PPFIA1: variants seen among roughly 807,000 people sequenced by gnomAD.
PPFIA1 encodes the protein liprin-alpha-1.
A neutral mutation model predicts 149.9 loss-of-function variants in PPFIA1; 25 were observed. The ratio of observed to expected loss-of-function variants is 0.17; its 90% CI spans 0.12 to 0.23. PPFIA1 has a LOEUF of 0.23. PPFIA1 is among the 10% of genes least tolerant of loss of function. The pLI is 1.00. For synonymous variants in PPFIA1, 549 were observed against 552.8 expected (o/e 0.99, Z 0.10); for missense variants, 1,362 against 1,506.5 (o/e 0.90, Z 1.59).
In PPFIA1 at chr11:70,335,596, A is replaced by G. The variant is rs1591260273; in HGVS notation, c.1330A>G (p.Asn444Asp). ...RQREKMNEEH[N>D]KRLSDTVDKL... ...AAGAGAAAAAATGAACGAAGAACATAATAAACGTTTATCAGACACTGTTGA... is the reference window on the plus strand; with the variant it reads ...AAGAGAAAAAATGAACGAAGAACATGATAAACGTTTATCAGACACTGTTGA... The change falls in exon 11 of 28, where the codon AAT becomes GAT. Residue 444 changes from asparagine to aspartate, a missense_variant. Physicochemically the swap from Asn to Asp is conservative, Grantham distance 23. Around this residue, in one of 7 missense-constraint regions of PPFIA1, gnomAD observed 733 missense variants for 744.1 expected, o/e 0.99. Coordinates refer to ENST00000253925, the MANE Select transcript of PPFIA1 (RefSeq NM_003626.5). The G allele has an allele frequency of 6.2e-7, 1 of 1,614,014 alleles. No individual in the cohort carries two copies. The highest frequency in any genetic ancestry group is 8.5e-7 in the Non-Finnish European group (1 of 1,179,946).
At chr11:70,271,922 G>A (rs754007239) in intron 1 of PPFIA1, 31 of 402,440 alleles carry the variant, frequency 7.7e-5, no homozygotes, top group Admixed American at 1.3e-4. Context: ...GCCCTTTTTT[G>A]TGAGGGTAGT....
At chr11:70,380,584 A>G (rs1440677919) in intron 26 of PPFIA1, among the ~76,000 whole-genome samples, 1 of 151,652 alleles carries the variant, frequency 6.6e-6, no homozygotes, top group Admixed American at 6.6e-5. Context: ...CAAAAGAAAA[A>G]ATTTGCCAGG....
At position 70,326,292 on chromosome 11, in the gene PPFIA1, A is replaced by G. The variant is rs142170424; in HGVS notation, c.637A>G (p.Lys213Glu). ...GATTCTTAAAGAACAGAATAATCAG[A>G]AAAAAACTCTAACAGATGGAGTGCT... Reference protein sequence around the residue: ...LMILKEQNNQKKTLTDGVLDI... With the variant: ...LMILKEQNNQEKTLTDGVLDI... The change falls in exon 6 of 28, where the codon AAA becomes GAA. Residue 213 changes from lysine to glutamate, a missense_variant. Physicochemically the swap from Lys to Glu is moderately conservative, Grantham distance 56. Transcript: ENST00000253925. 59 of 1,607,248 alleles carry G rather than the reference A, an allele frequency of 3.7e-5. No individual in the cohort carries two copies. Among genetic ancestry groups the G allele is most frequent in the Non-Finnish European group, 4.8e-5 (56 of 1,175,892 alleles).
At chr11:70,284,204 C>T (rs992597575) in intron 2 of PPFIA1, 2 of 397,380 alleles carry the variant, frequency 5.0e-6, no homozygotes, top group African/African-American at 4.3e-5. Flanking sequence ...AATGACTGCC[C>T]CTTCAGATGG....
chr11:70,324,366 T>G (rs761232658), intron 2 of PPFIA1, 36 bp from the exon 3 acceptor site: 28 of 1,510,848 alleles, frequency 1.9e-5, no homozygotes, highest in Non-Finnish European at 2.5e-5. Context: ...TAGGGGGTCT[T>G]TCTTATTTAT....
chr11:70,301,536 T>C (rs556685005), intron 2 of PPFIA1, among the ~76,000 whole-genome samples: 5 of 152,336 alleles, frequency 3.3e-5, no homozygotes, highest in African/African-American at 1.2e-4. Context: ...TGATAAAATA[T>C]ATGAAAGTAT....
chr11:70,354,219 AAAG>A, intron 16 of PPFIA1, 79 bp from the exon 17 acceptor site: 1 of 1,416,212 alleles, frequency 7.1e-7, no homozygotes, highest in East Asian at 2.3e-5. Flanking sequence ...ATCGATTTTC[AAAG>A]AAGTTTATGG....
chr11:70,324,184 G>A (rs1175162331), intron 2 of PPFIA1, among the ~76,000 whole-genome samples: 1 of 152,222 alleles, frequency 6.6e-6, no homozygotes, highest in African/African-American at 2.4e-5. Flanking sequence ...TTGTCCCAGG[G>A]TGCAGGGATA....
At position 70,362,079 on chromosome 11, in the gene PPFIA1, A is replaced by T. The variant is rs980180822; in HGVS notation, c.2583-16A>T. 6.2e-7 allele frequency: 1 copy of T among 1,612,274 alleles called. No individual in the cohort carries two copies. The highest frequency in any genetic ancestry group is 2.2e-5 in the East Asian group (1 of 44,868). On this transcript the variant is annotated splice_polypyrimidine_tract_variant and intron_variant, in intron 19 of 27. Transcript: ENST00000253925. ...CCTGGCTGATTCTTTAATTTTCAAT[A>T]TCTTCTCCTTTATAGGCATGAATTG...
At chr11:70,333,442 C>A in intron 9 of PPFIA1, 28 bp from the exon 10 acceptor site, 1 of 1,564,994 alleles carries the variant, frequency 6.4e-7, no homozygotes, top group Non-Finnish European at 8.8e-7. Context: ...GTAAGGATGA[C>A]GTCAGCGTAC....
intron 2 of PPFIA1, among the ~76,000 whole-genome samples, chr11:70,314,381 C>G (rs78018890): frequency 0.011 from 1,712 of 152,216 alleles, 35 homozygotes; most frequent in African/African-American, 0.039. Context: ...AGTTTCTGAA[C>G]AAGTTACGTG....
intron 26 of PPFIA1, 68 bp downstream of exon 26, chr11:70,378,263 A>C: frequency 6.4e-7 from 1 of 1,551,224 alleles, no homozygotes; most frequent in Middle Eastern, 1.7e-4. Flanking sequence ...TGGAACATTA[A>C]TAATGATCTA....
intron 2 of PPFIA1, among the ~76,000 whole-genome samples, chr11:70,296,915 CTGTG>C (rs969414431): frequency 2.6e-5 from 4 of 152,194 alleles, no homozygotes; most frequent in African/African-American, 9.7e-5. Flanking sequence ...CCGCTGCTCA[CTGTG>C]AGACGTGCCT....
At chr11:70,288,026 A>G (rs1443033215) in intron 2 of PPFIA1, among the ~76,000 whole-genome samples, 1 of 151,022 alleles carries the variant, frequency 6.6e-6, no homozygotes, top group African/African-American at 2.4e-5. Context: ...CTGGGGCTCA[A>G]CATCTCTCAC....
At position 70,362,157 on chromosome 11, in the gene PPFIA1, C is replaced by T. The variant is rs149349390; in HGVS notation, c.2645C>T (p.Thr882Met). ...CCTTTTGCCCAATGGGACGGGCCAA[C>T]GGTTGTGGTCTGGCTAGAGGTACAT... ...GLPFAQWDGP[T>M]VVVWLELWVG... Residue 882 changes from threonine (T) to methionine (M), a missense_variant, in exon 20 of 28, where the codon ACG (threonine) becomes ATG (methionine). Transcript: ENST00000253925. 2.6e-5 allele frequency: 42 copies of T among 1,614,054 alleles called. No individual in the cohort carries two copies. The highest frequency in any genetic ancestry group is 4.5e-5 in the East Asian group (2 of 44,896).
At chr11:70,330,859 C>A (rs995541109) in intron 8 of PPFIA1, among the ~76,000 whole-genome samples, 2 of 152,098 alleles carry the variant, frequency 1.3e-5, no homozygotes, top group Non-Finnish European at 2.9e-5. Context: ...ATGACTTGAG[C>A]CCTGGAGTTC....
Position 70,272,332 on chromosome 11 carries a change from C to G in PPFIA1, c.160C>G (p.Leu54Val), listed in dbSNP as rs1450866541. ...LEERDRLLDT[L>V]RETQETLALT... The stretch of plus-strand genomic sequence containing the variant: ...AGAAAGGGACCGCCTTCTTGATACA[C>G]TGAGAGAGACTCAAGAAACGCTGGC... Residue 54 changes from leucine to valine, a missense_variant, in exon 2 of 28, where the codon CTG (leucine) becomes GTG (valine). Leu to Val is a conservative substitution (Grantham distance 32). Transcript: ENST00000253925. 1.2e-6 allele frequency: 2 copies of G among 1,614,078 alleles called. No homozygotes were observed. Among genetic ancestry groups the G allele is most frequent in the African/African-American group, 2.7e-5 (2 of 74,930 alleles).
chr11:70,305,744 A>G (rs1378806602), intron 2 of PPFIA1, among the ~76,000 whole-genome samples: 2 of 152,210 alleles, frequency 1.3e-5, no homozygotes, highest in Non-Finnish European at 2.9e-5. Context: ...TAAAGTGGCC[A>G]GAAAACTTCT....
intron 2 of PPFIA1, among the ~76,000 whole-genome samples, chr11:70,273,107 GTC>G (rs2050188698): frequency 6.6e-6 from 1 of 152,174 alleles, no homozygotes; most frequent in Non-Finnish European, 1.5e-5. Flanking sequence ...GCAAAACCCT[GTC>G]TCTACCAAAA....
Sources: gnomAD v4.1 joint callset for allele counts (sites outside exome capture counted in the v4.1 genomes callset) on GRCh38, gnomAD v4.1.1 for gene constraint, gnomAD v4.1.1 regional missense constraint, MANE v1.5 for transcripts, NCBI Gene and HGNC (gene_info 2026-07-23, HGNC 2026-07-21) for gene names.